The following CDC42BPA variants were observed in gnomAD, a reference collection of about 807,000 sequenced individuals.
CDC42BPA encodes CDC42 binding protein kinase alpha.
A neutral mutation model predicts 223.5 loss-of-function variants in CDC42BPA; 80 were observed. The observed-to-expected ratio is 0.36, with a 90% CI of 0.30 to 0.43. The LOEUF (loss-of-function observed/expected upper bound fraction) is 0.43. CDC42BPA is among the 20% of genes least tolerant of loss of function. CDC42BPA has a pLI of 1.00. For synonymous variants in CDC42BPA, 694 were observed against 718.6 expected, an observed-to-expected ratio of 0.97 and a Z score of 0.55; for missense variants, 1,743 against 2,099.9, an observed-to-expected ratio of 0.83 and a Z score of 3.32.
At chr1:227,026,268 G>A in intron 30 of CDC42BPA, 116 bp from the exon 31 acceptor site, 1 of 586,700 alleles carries the variant, frequency 1.7e-6, no homozygotes, top group South Asian at 2.3e-5. Flanking sequence ...AATCCTATGG[G>A]GCTATCATAT....
intron 10 of CDC42BPA, 87 bp downstream of exon 10, chr1:227,139,489 C>A: frequency 6.8e-6 from 6 of 883,850 alleles, no homozygotes; most frequent in Non-Finnish European, 9.7e-6. Flanking sequence ...TAATTTTTTT[C>A]AAAGATAAAA....
intron 5 of CDC42BPA, among the ~76,000 whole-genome samples, chr1:227,183,639 A>G (rs1158233711): frequency 6.6e-6 from 1 of 152,224 alleles, no homozygotes; most frequent in Non-Finnish European, 1.5e-5. Flanking sequence ...GCTATTACAA[A>G]TAAAGCCTCT....
At chr1:227,074,386 T>C (rs748677763) in intron 17 of CDC42BPA, 22 bp from the exon 18 acceptor site, 5 of 1,560,498 alleles carry the variant, frequency 3.2e-6, no homozygotes, top group South Asian at 1.2e-5. Flanking sequence ...AAAGACAAAG[T>C]ACAAAAGTAA....
chr1:227,123,565 G>A (rs1689039629), intron 11 of CDC42BPA, among the ~76,000 whole-genome samples: 1 of 152,166 alleles, frequency 6.6e-6, no homozygotes, highest in Admixed American at 6.5e-5. Flanking sequence ...TGCAAATTGT[G>A]TGGCAGGCTG....
intron 23 of CDC42BPA, among the ~76,000 whole-genome samples, 195 bp downstream of exon 23, chr1:227,047,732 A>G (rs965598965): frequency 2.6e-5 from 4 of 152,184 alleles, no homozygotes; most frequent in Non-Finnish European, 5.9e-5. Flanking sequence ...CATTGAATTT[A>G]AGAAGATGAA....
chr1:227,230,816 C>CTTTTTTTTTTTTTTTTTT lies in CDC42BPA; in HGVS notation c.271-17598_271-17597insAAAAAAAAAAAAAAAAAA, dbSNP rs34787332. On this transcript the variant is annotated intron_variant, in intron 2 of 36. Transcript: ENST00000366766. The stretch of plus-strand genomic sequence containing the variant: ...ACTGATTTCTATTTCTTTTTTCTTT[C>CTTTTTTTTTTTTTTTTTT]TTTCTTTTTTTTTTTTTTTTTTTGA... 1.4e-3 allele frequency among the ~76,000 whole-genome samples: 78 copies of CTTTTTTTTTTTTTTTTTT among 54,042 alleles called. 3 individuals are homozygous for CTTTTTTTTTTTTTTTTTT. Among genetic ancestry groups the CTTTTTTTTTTTTTTTTTT allele is most frequent in the Non-Finnish European group, 2.0e-3 (51 of 26,030 alleles). The allele number at this position is 54,042 out of a possible 152,430, so 35.5% of individuals were successfully genotyped here. A position where few individuals can be genotyped will look rare whatever the true frequency, so the allele number is the denominator to read the frequency against.
intron 24 of CDC42BPA, among the ~76,000 whole-genome samples, chr1:227,036,967 G>A (rs1670400366): frequency 6.6e-6 from 1 of 152,120 alleles, no homozygotes. Context: ...CATAAAGTAG[G>A]CTTCAAAGGG....
chr1:227,070,003 CTA>C, intron 20 of CDC42BPA, 150 bp from the exon 21 acceptor site: 4 of 496,482 alleles, frequency 8.1e-6, no homozygotes. Flanking sequence ...TTAAACAAAA[CTA>C]AAATACACTA....
chr1:227,295,794 C>T (rs1358284037), intron 1 of CDC42BPA, among the ~76,000 whole-genome samples: 1 of 152,168 alleles, frequency 6.6e-6, no homozygotes, highest in African/African-American at 2.4e-5. Flanking sequence ...CTGAAAACAT[C>T]ACATGTGTTC....
Position 227,030,617 on chromosome 1 carries a change from G to A in CDC42BPA, c.3776-147C>T, listed in dbSNP as rs548966634. 1.9e-5 allele frequency: 10 copies of A among 521,930 alleles called. No individual in the cohort carries two copies. In the East Asian group the frequency reaches 2.0e-4, roughly 11 times the overall value. 32.3% of individuals were successfully genotyped at this position (521,930 alleles called of 1,614,324 possible). On this transcript the variant is annotated intron_variant, in intron 28 of 36. Coordinates refer to ENST00000366766, the MANE Select transcript of CDC42BPA (RefSeq NM_001394014.1). ...ACACTATTTCCTTTCAGATTATACT[G>A]GTAAATCTCTCATGTCTTCTAAAAT...
At chr1:227,205,459 T>C (rs1272317972) in intron 3 of CDC42BPA, among the ~76,000 whole-genome samples, 1 of 151,898 alleles carries the variant, frequency 6.6e-6, no homozygotes, top group South Asian at 2.1e-4. Flanking sequence ...GATTTCATTA[T>C]AATAAAATTT....
rs1165138959 is a variant in CDC42BPA, at chr1:226,994,248, G to A, written c.*20C>T. 2.6e-6 allele frequency: 4 copies of A among 1,560,488 alleles called. No homozygotes were observed. The highest frequency in any genetic ancestry group is 3.5e-6 in the Non-Finnish European group (4 of 1,150,604). On this transcript the variant is annotated 3_prime_UTR_variant, in exon 37 of 37. Transcript: ENST00000366766. This position sits in a 1 kb window ranked among gnomAD's most constrained non-coding sequence, Gnocchi z 4.0. ...GAGTGGCAGGGAGCGGAGAGCGAGA[G>A]GTCCCAGTGCTGAGGCAGCTCACGG...
At chr1:227,005,672 G>A (rs1663880013) in intron 34 of CDC42BPA, among the ~76,000 whole-genome samples, 1 of 152,158 alleles carries the variant, frequency 6.6e-6, no homozygotes, top group Non-Finnish European at 1.5e-5. Flanking sequence ...CACAACCTAG[G>A]TGAAGTTAGT....
intron 5 of CDC42BPA, among the ~76,000 whole-genome samples, chr1:227,185,640 G>C (rs990264844): frequency 1.3e-5 from 2 of 152,166 alleles, no homozygotes; most frequent in East Asian, 3.9e-4. Flanking sequence ...TCTTGGCTTT[G>C]GAGCCCCCCT....
chr1:227,117,826 T>A (rs1688011705), intron 12 of CDC42BPA, among the ~76,000 whole-genome samples: 1 of 151,982 alleles, frequency 6.6e-6, no homozygotes, highest in Non-Finnish European at 1.5e-5. Context: ...ATAAAAAGAT[T>A]CCTAAAAGCA....
At chr1:227,138,386 T>C (rs1371043852) in intron 10 of CDC42BPA, among the ~76,000 whole-genome samples, 1 of 151,962 alleles carries the variant, frequency 6.6e-6, no homozygotes, top group Non-Finnish European at 1.5e-5. Context: ...GAAGGCCTCA[T>C]TCAATTAGAG....
chr1:227,297,188 C>A (rs1690790686), intron 1 of CDC42BPA, among the ~76,000 whole-genome samples: 1 of 152,162 alleles, frequency 6.6e-6, no homozygotes, highest in South Asian at 2.1e-4. Flanking sequence ...TGAAAAGCTG[C>A]TCGTTATCAG....
At chr1:227,042,137 A>C (rs1671492778) in intron 23 of CDC42BPA, among the ~76,000 whole-genome samples, 1 of 152,156 alleles carries the variant, frequency 6.6e-6, no homozygotes, top group African/African-American at 2.4e-5. Flanking sequence ...TTGAATACAA[A>C]GAAGGAAAAA....
intron 31 of CDC42BPA, among the ~76,000 whole-genome samples, chr1:227,024,977 T>C (rs1667993876): frequency 6.6e-6 from 1 of 152,190 alleles, no homozygotes; most frequent in South Asian, 2.1e-4. Flanking sequence ...GTGCAGTGGA[T>C]CATGCCTGTA....
Sources: allele counts gnomAD v4.1 joint callset (sites outside exome capture counted in the v4.1 genomes callset), GRCh38; gene constraint gnomAD v4.1.1; non-coding constraint Gnocchi (gnomAD v3.1); transcripts MANE v1.5; gene names NCBI Gene and HGNC (gene_info 2026-07-23, HGNC 2026-07-21).